HSD3B1: variants seen among roughly 807,000 people sequenced by gnomAD.
The protein encoded by HSD3B1 is 3 beta-hydroxysteroid dehydrogenase/Delta 5-->4-isomerase type 1.
HSD3B1 carries 11 observed loss-of-function variants against 10.4 expected under a neutral mutation model. The observed-to-expected ratio is 1.05, with a 90% CI of 0.66 to 1.75. The LOEUF (loss-of-function observed/expected upper bound fraction) is 1.75. Ranked by LOEUF, HSD3B1 falls within the 40% of genes most tolerant of loss-of-function variation. The pLI, the probability that HSD3B1 is intolerant of heterozygous loss-of-function variation, is 0.00. For synonymous variants in HSD3B1, 217 were observed against 185.4 expected, an observed-to-expected ratio of 1.17 and a Z score of -1.39; for missense variants, 490 against 454.5, an observed-to-expected ratio of 1.08 and a Z score of -0.71.
chr1:119,507,417 A>T lies in HSD3B1; in HGVS notation c.-60A>T. 2 of 1,587,882 alleles carry T rather than the reference A, an allele frequency of 1.3e-6. No homozygotes were observed. Among genetic ancestry groups the T allele is most frequent in the Non-Finnish European group, 1.7e-6 (2 of 1,158,090 alleles). On this transcript the variant is annotated 5_prime_UTR_variant, in exon 2 of 4. Transcript: ENST00000369413. ...CCCTCTCCAGGGTCACCCTAGAATC[A>T]GATCTGCTCCCCAGCATCTTCTGTT... is the stretch of plus-strand genomic sequence containing the variant.
intron 2 of HSD3B1, among the ~76,000 whole-genome samples, chr1:119,510,186 G>A (rs1408575494): frequency 6.6e-6 from 1 of 152,186 alleles, no homozygotes; most frequent in African/African-American, 2.4e-5. Context: ...CAACCTTACT[G>A]GCAGCGTCAC....
In HSD3B1 at chr1:119,507,562, T is replaced by A; in HGVS notation, c.86T>A (p.Leu29Gln). 1 of 1,614,018 alleles carries A rather than the reference T, an allele frequency of 6.2e-7. No homozygotes were observed. The highest frequency in any genetic ancestry group is 1.3e-5 in the African/African-American group (1 of 75,020). ...IIRLLVKEKE[L>Q]KEIRVLDKAF... Reference sequence around the variant, plus strand: ...CGCCTCTTGGTGAAGGAGAAGGAGCTGAAGGAGATCAGGGTCTTGGACAAG... The same window carrying A: ...CGCCTCTTGGTGAAGGAGAAGGAGCAGAAGGAGATCAGGGTCTTGGACAAG... The change falls in exon 2 of 4, where the codon CTG (leucine) becomes CAG (glutamine). Residue 29 changes from leucine to glutamine, a missense_variant. Coordinates refer to ENST00000369413, the MANE Select transcript of HSD3B1 (RefSeq NM_000862.3).
In HSD3B1 at chr1:119,507,249, C is replaced by A. The variant is rs888256082; in HGVS notation, c.-99C>A. The A allele has an allele frequency of 7.7e-6, 4 of 518,336 alleles. No individual in the cohort carries two copies. Among genetic ancestry groups the A allele is most frequent in the Middle Eastern group, 5.5e-4 (1 of 1,814 alleles). The allele number at this position is 518,336 out of a possible 1,614,324, so 32.1% of individuals were successfully genotyped here. Reference sequence around the variant, plus strand: ...GTCCACTCTTCTGTCCAGCTTTTAACAATCTAACTAATGGTTAGAGATTTT... The same window carrying A: ...GTCCACTCTTCTGTCCAGCTTTTAAAAATCTAACTAATGGTTAGAGATTTT... On this transcript the variant is annotated 5_prime_UTR_variant, in exon 1 of 4. Coordinates refer to ENST00000369413, the MANE Select transcript of HSD3B1 (RefSeq NM_000862.3).
At chr1:119,513,501 T>C (rs1354275458) in intron 3 of HSD3B1, among the ~76,000 whole-genome samples, 20 of 152,052 alleles carry the variant, frequency 1.3e-4, no homozygotes, top group Non-Finnish European at 2.9e-5. Context: ...TGATTACAAA[T>C]CATAATTTGT....
intron 2 of HSD3B1, among the ~76,000 whole-genome samples, chr1:119,511,216 C>T (rs587665845): frequency 7.9e-5 from 12 of 152,282 alleles, no homozygotes; most frequent in South Asian, 2.1e-4. Context: ...TGATGGGCTT[C>T]CCATGACTCT....
At chr1:119,509,955 C>T (rs907776948) in intron 2 of HSD3B1, among the ~76,000 whole-genome samples, 1 of 152,272 alleles carries the variant, frequency 6.6e-6, no homozygotes, top group East Asian at 1.9e-4. Flanking sequence ...CGTGTTTAAG[C>T]CTTCACTAGA....
rs1174770962 is a variant in HSD3B1, at chr1:119,514,784, G to T, written c.*139G>T. ...CCTTTCATACAATGGCCAACTTATT[G>T]TATTCCTCATGTCATCAAAACCTGC... On this transcript the variant is annotated 3_prime_UTR_variant, in exon 4 of 4. Coordinates refer to ENST00000369413, the MANE Select transcript of HSD3B1 (RefSeq NM_000862.3). The T allele has an allele frequency of 2.2e-6, 2 of 906,376 alleles. No individual in the cohort carries two copies. The highest frequency in any genetic ancestry group is 6.6e-4 in the Middle Eastern group (2 of 3,034). 56.1% of individuals were successfully genotyped at this position (906,376 alleles called of 1,614,324 possible). A position where few individuals can be genotyped will look rare whatever the true frequency, so the allele number is the denominator to read the frequency against.
rs768432991 is a variant in HSD3B1, at chr1:119,514,599, C to G, written c.1076C>G (p.Ser359Cys). ...CAGAAAACGGTGGAGTGGGTTGGTT[C>G]CCTTGTGGACCGGCACAAGGAGACC... ...AKQKTVEWVG[S>C]LVDRHKETLK... The change falls in exon 4 of 4, where the codon TCC (serine) becomes TGC (cysteine). Residue 359 changes from serine (S) to cysteine (C), a missense_variant. Physicochemically the swap from Ser to Cys is moderately radical, Grantham distance 112 (BLOSUM62 -1). Coordinates refer to ENST00000369413, the MANE Select transcript of HSD3B1 (RefSeq NM_000862.3). 5 of 1,613,770 alleles carry G rather than the reference C, an allele frequency of 3.1e-6. No homozygotes were observed. In the East Asian group the frequency reaches 8.9e-5, roughly 29 times the overall value.
Position 119,514,564 on chromosome 1 carries a change from G to A in HSD3B1, c.1041G>A (p.Glu347=), listed in dbSNP as rs753246063. 3.7e-6 allele frequency: 6 copies of A among 1,613,996 alleles called. No homozygotes were observed. The highest frequency in any genetic ancestry group is 2.7e-5 in the African/African-American group (2 of 75,010). ...DLAYKPLYSW[E]EAKQKTVEWV... ...CGTATAAGCCACTCTACAGCTGGGA[G>A]GAAGCCAAGCAGAAAACGGTGGAGT... Residue 347 remains glutamate (E), a synonymous_variant, in exon 4 of 4, where the codon GAG becomes GAA. Coordinates refer to ENST00000369413, the MANE Select transcript of HSD3B1 (RefSeq NM_000862.3).
chr1:119,514,076 T>G lies in HSD3B1; in HGVS notation c.553T>G (p.Leu185Val), dbSNP rs1258577653. The G allele has an allele frequency of 1.2e-6, 2 of 1,614,110 alleles. No individual in the cohort carries two copies. Among genetic ancestry groups the G allele is most frequent in the Non-Finnish European group, 1.7e-6 (2 of 1,179,990 alleles). ...KNGGTLYTCA[L>V]RPMYIYGEGS... Reference sequence around the variant, plus strand: ...CGGCGGCACCCTGTACACTTGTGCCTTACGACCCATGTATATCTATGGGGA... The same window carrying G: ...CGGCGGCACCCTGTACACTTGTGCCGTACGACCCATGTATATCTATGGGGA... Residue 185 changes from leucine (L) to valine (V), a missense_variant, in exon 4 of 4, where the codon TTA becomes GTA. Transcript: ENST00000369413.
At chr1:119,511,410 C>A (rs1161845236) in intron 2 of HSD3B1, 93 bp from the exon 3 acceptor site, 30 of 1,287,192 alleles carry the variant, frequency 2.3e-5, no homozygotes, top group Admixed American at 1.4e-4. Flanking sequence ...CTACTCTAAC[C>A]ATCCTTGAAC....
chr1:119,508,390 A>G (rs904886693), intron 2 of HSD3B1, among the ~76,000 whole-genome samples: 1 of 151,782 alleles, frequency 6.6e-6, no homozygotes, highest in South Asian at 2.1e-4. Context: ...AAAACAAAAC[A>G]TTTACCTCTG....
rs768327736 is a variant in HSD3B1 at position 119,507,380 on chromosome 1, A to G, written c.-85-12A>G. The G allele has an allele frequency of 9.2e-5, 118 of 1,276,990 alleles. No homozygotes were observed. Among genetic ancestry groups the G allele is most frequent in the Non-Finnish European group, 1.3e-4 (117 of 884,570 alleles). 79.1% of individuals were successfully genotyped at this position (1,276,990 alleles called of 1,614,324 possible). On this transcript the variant is annotated splice_polypyrimidine_tract_variant and intron_variant, in intron 1 of 3. Transcript: ENST00000369413. Reference sequence around the variant, plus strand: ...CTGTGTGAGTATATAACCATTTGACATCTCTTTTTAGCCCTCTCCAGGGTC... The same window carrying G: ...CTGTGTGAGTATATAACCATTTGACGTCTCTTTTTAGCCCTCTCCAGGGTC...
At chr1:119,510,763 GT>G (rs1653915908) in intron 2 of HSD3B1, among the ~76,000 whole-genome samples, 1 of 60,282 alleles carries the variant, frequency 1.7e-5, no homozygotes, top group African/African-American at 1.0e-4. Flanking sequence ...TTGAGACAAG[GT>G]GGTCTTGCTC....
In HSD3B1 at chr1:119,514,219, C is replaced by T; in HGVS notation, c.696C>T (p.Ala232=). The T allele has an allele frequency of 6.2e-7, 1 of 1,614,112 alleles. No homozygotes were observed. The highest frequency in any genetic ancestry group is 8.5e-7 in the Non-Finnish European group (1 of 1,180,008). Residue 232 remains alanine, a synonymous_variant, in exon 4 of 4, where the codon GCC becomes GCT. Coordinates refer to ENST00000369413, the MANE Select transcript of HSD3B1 (RefSeq NM_000862.3). ...TCTATGTTGGCAATGTGGCCTGGGC[C>T]CACATTCTGGCCTTGAGGGCCCTGC... ...NPVYVGNVAW[A]HILALRALQD...
intron 2 of HSD3B1, among the ~76,000 whole-genome samples, chr1:119,508,964 G>A (rs1021680168): frequency 1.3e-5 from 2 of 152,158 alleles, no homozygotes; most frequent in Non-Finnish European, 2.9e-5. Flanking sequence ...CCAGAAAAAA[G>A]CAATGCTCAG....
At chr1:119,511,910 G>A in intron 3 of HSD3B1, 1 of 492,582 alleles carries the variant, frequency 2.0e-6, no homozygotes, top group Non-Finnish European at 3.7e-6. Flanking sequence ...AGGTAGGAGA[G>A]TTAGACTTTA....
At chr1:119,513,724 G>C (rs1159845514) in intron 3 of HSD3B1, 110 bp from the exon 4 acceptor site, 5 of 1,047,144 alleles carry the variant, frequency 4.8e-6, no homozygotes, top group African/African-American at 1.6e-5. Context: ...CCCTGAGTCT[G>C]TTACAACCAC....
intron 3 of HSD3B1, among the ~76,000 whole-genome samples, chr1:119,513,319 CA>C: frequency 6.6e-6 from 1 of 152,056 alleles, no homozygotes; most frequent in Non-Finnish European, 1.5e-5. Flanking sequence ...AGAAAAGTAC[CA>C]ACAATTTCAT....
Sources: gnomAD v4.1 joint callset for allele counts (sites outside exome capture counted in the v4.1 genomes callset) on GRCh38, gnomAD v4.1.1 for gene constraint, MANE v1.5 for transcripts, NCBI Gene and HGNC (gene_info 2026-07-23, HGNC 2026-07-21) for gene names.